Variants in SPOP observed in about 807,000 individuals in gnomAD.
The protein encoded by SPOP is speckle type BTB/POZ protein.
SPOP carries 11 observed loss-of-function variants against 45.6 expected under a neutral mutation model. The observed-to-expected ratio is 0.24, with a 90% CI of 0.15 to 0.40. SPOP has a LOEUF of 0.40. Ranked by LOEUF, SPOP falls within the 10% of genes least tolerant of loss-of-function variation. The pLI, the probability that SPOP is intolerant of heterozygous loss-of-function variation, is 1.00. For missense variants in SPOP, 152 were observed against 465.6 expected, an observed-to-expected ratio of 0.33 and a Z score of 6.20; for synonymous variants, 166 against 166.3, an observed-to-expected ratio of 1.00 and a Z score of 0.01.
intron 8 of SPOP, 124 bp downstream of exon 8, chr17:49,607,126 G>A: frequency 8.4e-7 from 1 of 1,195,988 alleles, no homozygotes; most frequent in South Asian, 1.4e-5. Flanking sequence ...TGTAAACCAG[G>A]ACCGTCTTGG....
intron 1 of SPOP, among the ~76,000 whole-genome samples, chr17:49,666,917 G>A (rs1282309610): frequency 6.6e-6 from 1 of 152,174 alleles, no homozygotes; most frequent in African/African-American, 2.4e-5. Context: ...GGTGGCTCAC[G>A]CCTGCAATCC....
In SPOP at chr17:49,599,349, A is replaced by T; in HGVS notation, c.*1029T>A. On this transcript the variant is annotated 3_prime_UTR_variant, in exon 10 of 10. Transcript: ENST00000504102. ...TTAACATTTGGAAGTTCTCCCCTGG[A>T]GGAAGAGGGGCTAGTCAGAAGGAAC... is the stretch of plus-strand genomic sequence containing the variant. 1 of 224,316 alleles carries T rather than the reference A, an allele frequency of 4.5e-6. No individual in the cohort carries two copies. Among genetic ancestry groups the T allele is most frequent in the Non-Finnish European group, 8.9e-6 (1 of 112,238 alleles). 13.9% of individuals were successfully genotyped at this position (224,316 alleles called of 1,614,324 possible).
intron 5 of SPOP, among the ~76,000 whole-genome samples, chr17:49,612,046 C>G (rs528725497): frequency 1.3e-5 from 2 of 152,186 alleles, no homozygotes; most frequent in African/African-American, 4.8e-5. Flanking sequence ...CTACATCTGA[C>G]TAATTTTTTA....
In SPOP at chr17:49,634,016, T is replaced by TAA. The variant is rs1189334651; in HGVS notation, c.-66-11142_-66-11141dup. On this transcript the variant is annotated intron_variant, in intron 1 of 9. Transcript: ENST00000504102. The stretch of plus-strand genomic sequence containing the variant: ...AGGAAGAAAAACTCCTCCAGCTGCT[T>TAA]AAAAAAAAAAAAAACAGAAAAAGAG... 7.5e-3 allele frequency among the ~76,000 whole-genome samples: 996 copies of TAA among 132,944 alleles called. 13 individuals carry two copies. The highest frequency in any genetic ancestry group is 0.026 in the African/African-American group (941 of 36,286). 87.2% of individuals were successfully genotyped at this position (132,944 alleles called of 152,430 possible).
intron 1 of SPOP, among the ~76,000 whole-genome samples, chr17:49,667,142 C>A (rs1217052915): frequency 7.3e-6 from 1 of 137,290 alleles, no homozygotes; most frequent in Non-Finnish European, 1.5e-5. Context: ...CATGCCATTG[C>A]ATTTCAGCCT....
At chr17:49,628,876 A>G (rs1333642879) in intron 1 of SPOP, among the ~76,000 whole-genome samples, 1 of 152,178 alleles carries the variant, frequency 6.6e-6, no homozygotes, top group Non-Finnish European at 1.5e-5. Flanking sequence ...CTCCTTAAAC[A>G]GAACCTGCAA....
At chr17:49,623,235 C>A (rs958567385) in intron 1 of SPOP, among the ~76,000 whole-genome samples, 1 of 152,014 alleles carries the variant, frequency 6.6e-6, no homozygotes, top group Admixed American at 6.6e-5. Flanking sequence ...CTTGAACTCT[C>A]GACCTCAGGT....
intron 1 of SPOP, among the ~76,000 whole-genome samples, chr17:49,632,931 G>A (rs2072479224): frequency 6.6e-6 from 1 of 152,230 alleles, no homozygotes; most frequent in African/African-American, 2.4e-5. Flanking sequence ...ACAGACCAGT[G>A]TAAATATGTA....
intron 5 of SPOP, among the ~76,000 whole-genome samples, chr17:49,617,001 C>G (rs142158293): frequency 6.6e-6 from 1 of 152,290 alleles, no homozygotes; most frequent in East Asian, 1.9e-4. Context: ...GATTTAACCA[C>G]AGGATAAGAG....
intron 1 of SPOP, among the ~76,000 whole-genome samples, chr17:49,634,515 A>C (rs2072508477): frequency 6.6e-6 from 1 of 152,202 alleles, no homozygotes; most frequent in Non-Finnish European, 1.5e-5. Context: ...ATGGTCTTTG[A>C]CCCACTCCCC....
At position 49,600,191 on chromosome 17, in the gene SPOP, A is replaced by G. The variant is rs1350906007; in HGVS notation, c.*187T>C. 2 of 774,916 alleles carry G rather than the reference A, an allele frequency of 2.6e-6. No individual in the cohort carries two copies. The highest frequency in any genetic ancestry group is 4.2e-6 in the Non-Finnish European group (2 of 477,142). The allele number at this position is 774,916 out of a possible 1,614,324, so 48.0% of individuals were successfully genotyped here. A position where few individuals can be genotyped will look rare whatever the true frequency, so the allele number is the denominator to read the frequency against. On this transcript the variant is annotated 3_prime_UTR_variant, in exon 10 of 10. Transcript: ENST00000504102. This position sits in a 1 kb window ranked among gnomAD's most constrained non-coding sequence, Gnocchi z 4.2. ...GACGCAGCAACAGGGTTTTCATTTC[A>G]TTTTCCCTCCCCCCGTTTCCCCCAA...
At chr17:49,611,515 C>T (rs2143195373) in intron 5 of SPOP, 58 bp from the exon 6 acceptor site, 1 of 1,433,112 alleles carries the variant, frequency 7.0e-7, no homozygotes, top group Non-Finnish European at 9.4e-7. Context: ...TTTTTGCCAG[C>T]AGATAGACGA....
chr17:49,655,615 G>A (rs2072898935), intron 1 of SPOP, among the ~76,000 whole-genome samples: 1 of 151,990 alleles, frequency 6.6e-6, no homozygotes, highest in Non-Finnish European at 1.5e-5. Context: ...TGAAATAATA[G>A]TAATTATTTA....
rs557668601 is a variant in SPOP at position 49,665,415 on chromosome 17, T to C, written c.-67+12518A>G. 5.2e-3 allele frequency among the ~76,000 whole-genome samples: 780 copies of C among 150,798 alleles called. 1 individual carries two copies. Among genetic ancestry groups the C allele is most frequent in the Admixed American group, 0.013 (191 of 15,106 alleles). On this transcript the variant is annotated intron_variant, in intron 1 of 9. Transcript: ENST00000504102. ...GGATCATGAGGTCAGGAGATCAAGATCATCCTGGCTAACATAGTGAAACCC... is the reference window on the plus strand; with the variant it reads ...GGATCATGAGGTCAGGAGATCAAGACCATCCTGGCTAACATAGTGAAACCC...
intron 9 of SPOP, 49 bp downstream of exon 9, chr17:49,601,816 T>C (rs757405843): frequency 6.2e-7 from 1 of 1,605,726 alleles, no homozygotes. Context: ...TCTCATTTCT[T>C]CAGCTATCCA....
rs1375303097 is a variant in SPOP at position 49,607,083 on chromosome 17, G to A, written c.837+167C>T. ...AACAGGACACTTTTGAGAATAAAAA[G>A]TGTGCTATTAATAATTGTGTTGGAA... is the stretch of plus-strand genomic sequence containing the variant. On this transcript the variant is annotated intron_variant, in intron 8 of 9. Transcript: ENST00000504102. 5 of 705,370 alleles carry A rather than the reference G, an allele frequency of 7.1e-6. No homozygotes were observed. The East Asian group carries it at 1.4e-4, about 20-fold the overall frequency. The allele number at this position is 705,370 out of a possible 1,614,324, so 43.7% of individuals were successfully genotyped here.
rs376811676 is a variant in SPOP, at chr17:49,607,308, G to A, written c.779C>T (p.Thr260Met). The change falls in exon 8 of 10, where the codon ACG becomes ATG. Residue 260 changes from threonine to methionine, a missense_variant. Physicochemically the swap from Thr to Met is moderately conservative, Grantham distance 81 (BLOSUM62 -1). Around this residue, in one of 3 missense-constraint regions of SPOP, gnomAD observed 106 missense variants for 255.2 expected, o/e 0.42. Transcript: ENST00000504102. ...TTTGTCGAGGTTTGGAGCCTTCCCC[G>A]TGTAAATGAAGCACATCATTTCCTT... ...VFKEMMCFIY[T>M]GKAPNLDKMA... 2.6e-5 allele frequency: 42 copies of A among 1,613,910 alleles called. No homozygotes were observed. The highest frequency in any genetic ancestry group is 3.3e-5 in the South Asian group (3 of 91,078).
Position 49,611,272 on chromosome 17 carries a change from A to C in SPOP, c.658+8T>G, listed in dbSNP as rs2071967030. ...AAACTATAAAATTCCTCATGAATAA[A>C]TACCAACCTGCTAAGATAGCCTTGT... On this transcript the variant is annotated splice_region_variant and intron_variant, in intron 6 of 9. Transcript: ENST00000504102. The C allele has an allele frequency of 2.5e-6, 4 of 1,612,340 alleles. No individual in the cohort carries two copies. The highest frequency in any genetic ancestry group is 3.4e-6 in the Non-Finnish European group (4 of 1,179,312).
chr17:49,655,283 G>A (rs1367723441), intron 1 of SPOP, among the ~76,000 whole-genome samples: 1 of 152,104 alleles, frequency 6.6e-6, no homozygotes, highest in East Asian at 1.9e-4. Flanking sequence ...AGGCCAAGAC[G>A]GGTGTATCAC....
Sources: allele counts gnomAD v4.1 joint callset (sites outside exome capture counted in the v4.1 genomes callset), GRCh38; gene constraint gnomAD v4.1.1; regional missense constraint gnomAD v4.1.1; non-coding constraint Gnocchi (gnomAD v3.1); transcripts MANE v1.5; gene names NCBI Gene and HGNC (gene_info 2026-07-23, HGNC 2026-07-21).